Variants in NARS2 observed in about 807,000 individuals in gnomAD.
NARS2 encodes the protein asparaginyl-tRNA synthetase 2, mitochondrial, also known as asparaginyl-tRNA synthetase.
NARS2 carries 60 observed loss-of-function variants against 62.9 expected under a neutral mutation model. That is an observed-to-expected ratio of 0.95 (90% CI 0.77 to 1.18). NARS2 has a LOEUF of 1.18. Among genes scored for constraint, NARS2 ranks in the 50% most tolerant of loss-of-function variants. The pLI, the probability that NARS2 is intolerant of heterozygous loss-of-function variation, is 0.00. For synonymous variants in NARS2, 196 were observed against 200.0 expected (o/e 0.98, Z 0.17); for missense variants, 619 against 576.4 (o/e 1.07, Z -0.76).
chr11:78,481,020 C>T (rs1220358931), intron 7 of NARS2, among the ~76,000 whole-genome samples: 1 of 151,948 alleles, frequency 6.6e-6, no homozygotes, highest in Non-Finnish European at 1.5e-5. Flanking sequence ...AGGATTTCAC[C>T]ATGTTGGCCA....
rs1474328757 is a variant in NARS2, at chr11:78,554,613, A to G, written c.594+4926T>C. Among the ~76,000 whole-genome samples the G allele has an allele frequency of 4.0e-5, 6 of 151,766 alleles. 1 individual carries two copies. Among genetic ancestry groups the G allele is most frequent in the South Asian group, 4.2e-4 (2 of 4,802 alleles). ...ATAGGAATGTTAGTGATTTTTGTAT[A>G]CTGATTTTGTATCCTGCAACTTTGC... is the stretch of plus-strand genomic sequence containing the variant. On this transcript the variant is annotated intron_variant, in intron 5 of 13. Transcript: ENST00000281038.
chr11:78,475,056 C>G (rs1859032150), intron 9 of NARS2, among the ~76,000 whole-genome samples: 1 of 152,158 alleles, frequency 6.6e-6, no homozygotes, highest in South Asian at 2.1e-4. Context: ...ACCCCTTGGA[C>G]AATTTCTTTC....
At chr11:78,533,627 C>T (rs1240729332) in intron 5 of NARS2, among the ~76,000 whole-genome samples, 1 of 152,160 alleles carries the variant, frequency 6.6e-6, no homozygotes, top group African/African-American at 2.4e-5. Context: ...GGAACTGTAC[C>T]TCCTGGCTGA....
intron 5 of NARS2, among the ~76,000 whole-genome samples, chr11:78,543,179 A>G (rs1255122238): frequency 2.6e-5 from 4 of 152,012 alleles, no homozygotes; most frequent in African/African-American, 7.2e-5. Flanking sequence ...CTACGTGTCA[A>G]AAAAAAAGAA....
At chr11:78,503,332 G>A (rs766051776) in intron 6 of NARS2, among the ~76,000 whole-genome samples, 4 of 152,158 alleles carry the variant, frequency 2.6e-5, no homozygotes, top group Non-Finnish European at 4.4e-5. Context: ...CCGCCTCCCA[G>A]GTTCAAGCGA....
At chr11:78,552,743 T>C (rs1856174138) in intron 5 of NARS2, among the ~76,000 whole-genome samples, 1 of 152,204 alleles carries the variant, frequency 6.6e-6, no homozygotes. Context: ...AATGTTCATC[T>C]TACGTATATG....
At chr11:78,467,533 G>T (rs1208934003) in intron 10 of NARS2, among the ~76,000 whole-genome samples, 1 of 150,788 alleles carries the variant, frequency 6.6e-6, no homozygotes, top group East Asian at 2.0e-4. Flanking sequence ...GAGAGATCTT[G>T]TCTTTCAAAA....
At chr11:78,530,197 A>T (rs562305991) in intron 5 of NARS2, among the ~76,000 whole-genome samples, 3 of 152,254 alleles carry the variant, frequency 2.0e-5, no homozygotes, top group African/African-American at 7.2e-5. Context: ...TTATCAATGA[A>T]AGGGTATTGC....
Position 78,528,835 on chromosome 11 carries a change from T to A in NARS2, c.689+7A>T. On this transcript the variant is annotated splice_region_variant and intron_variant, in intron 6 of 13. Transcript: ENST00000281038. ...ATCAAAGCAAAAGAGAAAGGAAAATTTCATACCCTGACATCACTTCTAGAT... is the reference window on the plus strand; with the variant it reads ...ATCAAAGCAAAAGAGAAAGGAAAATATCATACCCTGACATCACTTCTAGAT... 1 of 1,593,620 alleles carries A rather than the reference T, an allele frequency of 6.3e-7. No individual in the cohort carries two copies. Among genetic ancestry groups the A allele is most frequent in the East Asian group, 2.2e-5 (1 of 44,626 alleles).
chr11:78,491,920 T>C (rs188279931), intron 7 of NARS2, among the ~76,000 whole-genome samples: 28 of 152,122 alleles, frequency 1.8e-4, no homozygotes, highest in Non-Finnish European at 3.5e-4. Flanking sequence ...TAGAAAGACA[T>C]AGAAATGAAC....
Position 78,559,597 on chromosome 11 carries a change from T to A in NARS2, c.536A>T (p.His179Leu). ...FFKDSGFVHI[H>L]TPIITSNDSE... The stretch of plus-strand genomic sequence containing the variant: ...GTCATTGGATGTGATTATTGGAGTA[T>A]GAATATGTACAAAGCCACTGTCCTG... The change falls in exon 5 of 14, where the codon CAT (histidine) becomes CTT (leucine). Residue 179 changes from histidine (H) to leucine (L), a missense_variant. Coordinates refer to ENST00000281038, the MANE Select transcript of NARS2 (RefSeq NM_024678.6). The A allele has an allele frequency of 6.2e-7, 1 of 1,612,804 alleles. No homozygotes were observed. Among genetic ancestry groups the A allele is most frequent in the Non-Finnish European group, 8.5e-7 (1 of 1,179,026 alleles).
intron 6 of NARS2, among the ~76,000 whole-genome samples, chr11:78,494,809 A>G (rs1014958507): frequency 2.4e-4 from 37 of 152,188 alleles, no homozygotes; most frequent in African/African-American, 8.9e-4. Flanking sequence ...CTGTTCCCCA[A>G]AACAAACAAA....
chr11:78,538,266 C>T (rs984280142), intron 5 of NARS2, among the ~76,000 whole-genome samples: 2 of 152,116 alleles, frequency 1.3e-5, no homozygotes, highest in African/African-American at 4.8e-5. Flanking sequence ...GCTAATAGCC[C>T]CCAACTCCAT....
chr11:78,514,625 C>T (rs746838731), intron 6 of NARS2, among the ~76,000 whole-genome samples: 9 of 152,122 alleles, frequency 5.9e-5, no homozygotes, highest in Non-Finnish European at 1.2e-4. Context: ...CCTTCATATA[C>T]TTTTTCTGCT....
intron 5 of NARS2, chr11:78,533,106 T>G (rs748582204): frequency 6.6e-6 from 1 of 152,160 alleles, no homozygotes; most frequent in African/African-American, 2.4e-5. Flanking sequence ...TAGGCCTTCA[T>G]TGACTCCTGC....
chr11:78,493,272 T>TA (rs1859908794), intron 6 of NARS2, 77 bp from the exon 7 acceptor site: 5 of 1,428,438 alleles, frequency 3.5e-6, no homozygotes, highest in East Asian at 2.3e-5. Flanking sequence ...AGTGAGCTCT[T>TA]ACGGAAAATA....
At chr11:78,538,994 CAAAAAAAAAAAAAAAAA>C (rs59917269) in intron 5 of NARS2, among the ~76,000 whole-genome samples, 3 of 49,794 alleles carry the variant, frequency 6.0e-5, no homozygotes, top group South Asian at 1.8e-3. Flanking sequence ...GAATCCGTCT[CAAAAAAAAAAAAAAAAA>C]AAAAAAAAAA....
chr11:78,493,068 T>C lies in NARS2; in HGVS notation c.817A>G (p.Met273Val). The C allele has an allele frequency of 6.2e-6, 10 of 1,610,594 alleles. No individual in the cohort carries two copies. Among genetic ancestry groups the C allele is most frequent in the South Asian group, 1.1e-5 (1 of 90,634 alleles). Residue 273 changes from methionine to valine, a missense_variant, in exon 7 of 14, where the codon ATG becomes GTG. Met to Val is a conservative substitution (Grantham distance 21, BLOSUM62 1). Transcript: ENST00000281038. ...ISFVDSLQDL[M>V]QVIEELFKAT... ...TTTAAAACTTGTGTACCTACCTGCATAAGATCTTGAAGGCTGTCAACAAAA... is the reference window on the plus strand; with the variant it reads ...TTTAAAACTTGTGTACCTACCTGCACAAGATCTTGAAGGCTGTCAACAAAA...
At chr11:78,563,065 T>C (rs1856607185) in intron 4 of NARS2, among the ~76,000 whole-genome samples, 1 of 152,122 alleles carries the variant, frequency 6.6e-6, no homozygotes, top group Non-Finnish European at 1.5e-5. Context: ...TAAAGGTAGA[T>C]AACTATCACA....
Sources: gnomAD v4.1 joint callset for allele counts (sites outside exome capture counted in the v4.1 genomes callset) on GRCh38, gnomAD v4.1.1 for gene constraint, MANE v1.5 for transcripts, NCBI Gene and HGNC (gene_info 2026-07-23, HGNC 2026-07-21) for gene names.